The following PCDH9 variants were observed in gnomAD, a reference collection of about 807,000 sequenced individuals.
The protein encoded by PCDH9 is protocadherin 9, also known as protocadherin-9.
A neutral mutation model predicts 70.6 loss-of-function variants in PCDH9; 24 were observed. That is an observed-to-expected ratio of 0.34 (90% confidence interval 0.25 to 0.48). The LOEUF (loss-of-function observed/expected upper bound fraction) is 0.48. Ranked by LOEUF, PCDH9 falls within the 20% of genes least tolerant of loss-of-function variation. PCDH9 has a pLI of 0.99. For missense variants in PCDH9, 1,281 were observed against 1,503.6 expected, an observed-to-expected ratio of 0.85 and a Z score of 2.45; for synonymous variants, 562 against 558.5, an observed-to-expected ratio of 1.01 and a Z score of -0.09.
At position 66,337,598 on chromosome 13, in the gene PCDH9, A is replaced by AAAAC. The variant is rs71106965; in HGVS notation, c.3341-32574_3341-32571dup. Among the ~76,000 whole-genome samples the AAAAC allele has an allele frequency of 3.0e-3, 451 of 151,238 alleles. 4 individuals carry two copies. Among genetic ancestry groups the AAAAC allele is most frequent in the East Asian group, 5.3e-3 (27 of 5,116 alleles). ...GCAAACTCATCTGGAGGTACTTGTTAAAACAAACAAACAAACAAACAAACA... is the reference window on the plus strand; with the variant it reads ...GCAAACTCATCTGGAGGTACTTGTTAAAACAAACAAACAAACAAACAAACAAACA... On this transcript the variant is annotated intron_variant, in intron 4 of 4. Coordinates refer to ENST00000377865, the MANE Select transcript of PCDH9 (RefSeq NM_203487.3).
intron 3 of PCDH9, among the ~76,000 whole-genome samples, chr13:66,749,887 T>C (rs1279015785): frequency 6.6e-6 from 1 of 152,192 alleles, no homozygotes; most frequent in African/African-American, 2.4e-5. Flanking sequence ...ACTTTAAATA[T>C]TCCACAATGT....
intron 3 of PCDH9, among the ~76,000 whole-genome samples, chr13:66,678,904 A>G (rs1385391868): frequency 6.6e-6 from 1 of 151,778 alleles, no homozygotes; most frequent in Non-Finnish European, 1.5e-5. Context: ...GTGAACACTC[A>G]AAAGAAAACC....
chr13:67,163,436 A>T (rs1392764138), intron 2 of PCDH9, among the ~76,000 whole-genome samples: 1 of 152,204 alleles, frequency 6.6e-6, no homozygotes, highest in Non-Finnish European at 1.5e-5. Flanking sequence ...ATATGCTCTA[A>T]CTTTACTATC....
At chr13:66,796,243 G>T (rs1332199248) in intron 3 of PCDH9, among the ~76,000 whole-genome samples, 1 of 152,106 alleles carries the variant, frequency 6.6e-6, no homozygotes, top group Non-Finnish European at 1.5e-5. Context: ...TATTTATTCA[G>T]CCAGCTCCAT....
intron 4 of PCDH9, among the ~76,000 whole-genome samples, chr13:66,516,206 G>C (rs1181209502): frequency 1.3e-5 from 2 of 151,934 alleles, no homozygotes. Context: ...GAAATCAAGA[G>C]TCTACTGAAT....
chr13:66,780,448 T>C (rs1302293514), intron 3 of PCDH9, among the ~76,000 whole-genome samples: 1 of 152,170 alleles, frequency 6.6e-6, no homozygotes, highest in Non-Finnish European at 1.5e-5. Flanking sequence ...GACTCTGCTG[T>C]TGCCATTCTT....
At chr13:66,706,937 G>A (rs577850685) in intron 3 of PCDH9, among the ~76,000 whole-genome samples, 33 of 152,274 alleles carry the variant, frequency 2.2e-4, no homozygotes, top group African/African-American at 7.7e-4. Flanking sequence ...GGGATGTTGG[G>A]GTGCTAGGCC....
chr13:66,355,106 C>T (rs558385290), intron 4 of PCDH9, among the ~76,000 whole-genome samples: 1 of 152,150 alleles, frequency 6.6e-6, no homozygotes, highest in East Asian at 1.9e-4. Flanking sequence ...CCAATTCAGC[C>T]TAACAGCATA....
chr13:67,045,193 C>T (rs1172966), intron 2 of PCDH9, among the ~76,000 whole-genome samples: 151,022 of 152,204 alleles, frequency 0.99, 74,938 homozygotes, highest in East Asian at 1. Context: ...TATGTCATGG[C>T]CTATCACCAA....
At chr13:66,866,888 T>C (rs1334583405) in intron 3 of PCDH9, among the ~76,000 whole-genome samples, 1 of 152,202 alleles carries the variant, frequency 6.6e-6, no homozygotes, top group Non-Finnish European at 1.5e-5. Flanking sequence ...CTGACATTTC[T>C]GAAATACAGT....
chr13:66,392,310 A>C (rs1957031864), intron 4 of PCDH9, among the ~76,000 whole-genome samples: 1 of 152,146 alleles, frequency 6.6e-6, no homozygotes. Flanking sequence ...AATATTAAGT[A>C]GTAATTAGAG....
chr13:66,594,463 TTTTTGTTTA>T (rs1158110409), intron 4 of PCDH9, among the ~76,000 whole-genome samples: 2 of 144,486 alleles, frequency 1.4e-5, no homozygotes, highest in East Asian at 2.1e-4. Context: ...ATCAGGTTAC[TTTTTGTTTA>T]TTTTATTTTA....
chr13:66,364,319 C>T (rs1442245457), intron 4 of PCDH9, among the ~76,000 whole-genome samples: 4 of 152,048 alleles, frequency 2.6e-5, no homozygotes, highest in Admixed American at 6.6e-5. Context: ...ATACATTTTG[C>T]CATGAAACTA....
intron 3 of PCDH9, among the ~76,000 whole-genome samples, chr13:66,730,711 C>T (rs1373875124): frequency 6.9e-6 from 1 of 144,882 alleles, no homozygotes; most frequent in Non-Finnish European, 1.5e-5. Context: ...CAGAGTCTTG[C>T]TTTGTCACCC....
intron 2 of PCDH9, among the ~76,000 whole-genome samples, chr13:67,192,425 T>C (rs1593596404): frequency 6.6e-6 from 1 of 152,206 alleles, no homozygotes; most frequent in Non-Finnish European, 1.5e-5. Flanking sequence ...TCAGAAATAA[T>C]AGCTTCCATT....
intron 2 of PCDH9, among the ~76,000 whole-genome samples, chr13:67,163,606 T>C (rs1220871517): frequency 2.0e-5 from 3 of 152,216 alleles, no homozygotes; most frequent in Non-Finnish European, 1.5e-5. Context: ...AATTTCTGGT[T>C]TTAGTTAATT....
intron 2 of PCDH9, among the ~76,000 whole-genome samples, chr13:67,143,301 A>G (rs1271391749): frequency 6.6e-6 from 1 of 152,166 alleles, no homozygotes; most frequent in Non-Finnish European, 1.5e-5. Context: ...CAACAATCCT[A>G]TGAGTTGGAG....
chr13:66,598,400 T>A (rs2077127839), intron 4 of PCDH9, among the ~76,000 whole-genome samples: 1 of 151,852 alleles, frequency 6.6e-6, no homozygotes, highest in Non-Finnish European at 1.5e-5. Context: ...AGAGAATTGT[T>A]CAAATATTGT....
At chr13:67,097,023 G>T (rs1305530557) in intron 2 of PCDH9, among the ~76,000 whole-genome samples, 1 of 151,862 alleles carries the variant, frequency 6.6e-6, no homozygotes, top group African/African-American at 2.4e-5. Flanking sequence ...CAAGGTGGGT[G>T]GATCACTTGA....
Sources: allele counts gnomAD v4.1 joint callset (sites outside exome capture counted in the v4.1 genomes callset), GRCh38; gene constraint gnomAD v4.1.1; transcripts MANE v1.5; gene names NCBI Gene and HGNC (gene_info 2026-07-23, HGNC 2026-07-21).